SYNE1: variants seen among roughly 807,000 people sequenced by gnomAD.
The protein encoded by SYNE1 is spectrin repeat containing nuclear envelope protein 1.
SYNE1 carries 616 observed loss-of-function variants against 1,111.0 expected under a neutral mutation model. The observed-to-expected ratio is 0.55, with a 90% confidence interval of 0.52 to 0.59. The LOEUF (loss-of-function observed/expected upper bound fraction) is 0.59, where lower values mean the gene tolerates loss of function less well. SYNE1 is among the 20% of genes least tolerant of loss of function. The pLI is 0.00. For missense variants in SYNE1, 10,006 were observed against 10,417.0 expected (o/e 0.96, Z 1.72); for synonymous variants, 3,855 against 3,825.8 (o/e 1.01, Z -0.28).
At chr6:152,178,125 G>A (rs925918098) in intron 129 of SYNE1, among the ~76,000 whole-genome samples, 13 of 151,950 alleles carry the variant, frequency 8.6e-5, no homozygotes, top group African/African-American at 3.1e-4. Context: ...GCCAAACAAT[G>A]TAATAAAATT....
chr6:152,371,900 A>AAGGAAAGGAAAGGAAAGGACAGGAC (rs2097193762), intron 59 of SYNE1, among the ~76,000 whole-genome samples: 2 of 90,302 alleles, frequency 2.2e-5, no homozygotes, highest in African/African-American at 9.4e-5. Flanking sequence ...AAGGAAAGGA[A>AAGGAAAGGAAAGGAAAGGACAGGAC]AGGAAAGGAA....
intron 29 of SYNE1, 85 bp from the exon 30 acceptor site, chr6:152,444,663 C>A: frequency 8.1e-7 from 1 of 1,236,224 alleles, no homozygotes; most frequent in Non-Finnish European, 1.1e-6. Flanking sequence ...GTATGATTGA[C>A]AAATAAACAT....
intron 10 of SYNE1, among the ~76,000 whole-genome samples, chr6:152,500,470 G>A (rs538897696): frequency 2.0e-5 from 3 of 152,270 alleles, no homozygotes; most frequent in East Asian, 3.9e-4. Flanking sequence ...TTTTTAAGAA[G>A]CTAACATATT....
Position 152,354,707 on chromosome 6 carries a change from T to C in SYNE1, c.10878A>G (p.Arg3626=). The C allele has an allele frequency of 6.2e-7, 1 of 1,614,224 alleles. No individual in the cohort carries two copies. Among genetic ancestry groups the C allele is most frequent in the Non-Finnish European group, 8.5e-7 (1 of 1,180,036 alleles). Residue 3626 remains arginine, a synonymous_variant, in exon 67 of 146, where the codon AGA becomes AGG. Coordinates refer to ENST00000367255, the MANE Select transcript of SYNE1 (RefSeq NM_182961.4). ...CCTTGGTTGCCCTGTTAGACTGACG[T>C]CTGGTCCTGGGACTAACTTTCTCCT... The part of the protein sequence containing the change: ...TAEEKVSPRT[R]RQSNRATKEI...
intron 29 of SYNE1, among the ~76,000 whole-genome samples, chr6:152,446,532 G>A (rs1369631216): frequency 2.0e-5 from 3 of 152,144 alleles, no homozygotes. Context: ...AAGGTTAACA[G>A]ATGAATTGTT....
chr6:152,441,258 T>C lies in SYNE1; in HGVS notation c.4021A>G (p.Lys1341Glu). The C allele has an allele frequency of 6.2e-7, 1 of 1,608,168 alleles. No homozygotes were observed. The highest frequency in any genetic ancestry group is 8.5e-7 in the Non-Finnish European group (1 of 1,176,170). The change falls in exon 32 of 146, where the codon AAA becomes GAA. Residue 1341 changes from lysine (K) to glutamate (E), a missense_variant. Transcript: ENST00000367255. ...TTGTTTGTTTCAAATCGCTCCCATT[T>C]TCTTAATGTGACCTAAATTTGAAAA... ...QERRIQVTLR[K>E]WERFETNKET...
chr6:152,221,934 G>T (rs753207661), intron 117 of SYNE1, among the ~76,000 whole-genome samples: 28 of 152,228 alleles, frequency 1.8e-4, no homozygotes, highest in Non-Finnish European at 3.7e-4. Context: ...TCACCTCCTT[G>T]TACTTTCTTG....
At chr6:152,610,509 C>T (rs1008781927) in intron 3 of SYNE1, among the ~76,000 whole-genome samples, 5 of 152,162 alleles carry the variant, frequency 3.3e-5, no homozygotes, top group Admixed American at 2.6e-4. Flanking sequence ...AAGACCAAAC[C>T]TACGTTTGAT....
At chr6:152,308,423 A>G (rs1424262969) in intron 91 of SYNE1, 66 bp downstream of exon 91, 12 of 1,609,608 alleles carry the variant, frequency 7.5e-6, no homozygotes, top group Middle Eastern at 3.3e-4. Flanking sequence ...CATTCTCTAG[A>G]AACCAAACAT....
chr6:152,202,169 A>AAACCT (rs1270030020), intron 126 of SYNE1, among the ~76,000 whole-genome samples: 2 of 151,958 alleles, frequency 1.3e-5, no homozygotes, highest in East Asian at 3.9e-4. Flanking sequence ...CAACATGGTG[A>AAACCT]AACCTTGTCT....
rs552989089 is a variant in SYNE1 at position 152,193,004 on chromosome 6, G to GT, written c.23146-3598dup. The stretch of plus-strand genomic sequence containing the variant: ...TAGGCAACAGATCATTGGGTCTTAT[G>GT]TTTTTTAATCCATTTAGTCACTCAA... On this transcript the variant is annotated intron_variant, in intron 127 of 145. Coordinates refer to ENST00000367255, the MANE Select transcript of SYNE1 (RefSeq NM_182961.4). 2.7e-4 allele frequency among the ~76,000 whole-genome samples: 41 copies of GT among 152,090 alleles called. No homozygotes were observed. The South Asian group carries it at 5.4e-3, about 20-fold the overall frequency.
At chr6:152,241,500 C>CTGTGTGTGTGTGTGTGTGTG (rs1231628952) in intron 107 of SYNE1, among the ~76,000 whole-genome samples, 4,493 of 73,918 alleles carry the variant, frequency 0.061, 108 homozygotes, top group African/African-American at 0.11. Context: ...AATGCAAGAG[C>CTGTGTGTGTGTGTGTGTGTG]TGTGTGTGTG....
chr6:152,242,051 A>G (rs566035567), intron 107 of SYNE1, among the ~76,000 whole-genome samples, 189 bp downstream of exon 107: 15 of 152,266 alleles, frequency 9.9e-5, no homozygotes, highest in African/African-American at 3.6e-4. Context: ...CATATCCCCT[A>G]TAATTTCTCT....
At chr6:152,579,889 G>T (rs1034452339) in intron 3 of SYNE1, among the ~76,000 whole-genome samples, 1 of 152,104 alleles carries the variant, frequency 6.6e-6, no homozygotes, top group Non-Finnish European at 1.5e-5. Context: ...TCCATGGTGT[G>T]TATGTACCAC....
intron 4 of SYNE1, among the ~76,000 whole-genome samples, chr6:152,536,059 C>T (rs2099234512): frequency 6.6e-6 from 1 of 151,890 alleles, no homozygotes; most frequent in Non-Finnish European, 1.5e-5. Context: ...CAGCCACACC[C>T]ACTTTCCTAT....
intron 14 of SYNE1, among the ~76,000 whole-genome samples, chr6:152,473,547 C>G (rs2098818742): frequency 6.6e-6 from 1 of 152,172 alleles, no homozygotes; most frequent in African/African-American, 2.4e-5. Flanking sequence ...ACATTTTGAC[C>G]TGCTTTGACT....
At chr6:152,620,880 C>T (rs6940651) in intron 3 of SYNE1, among the ~76,000 whole-genome samples, 30,715 of 152,156 alleles carry the variant, frequency 0.2, 3,869 homozygotes, top group African/African-American at 0.35. Context: ...GACCCAATTC[C>T]TGTCCTCAAA....
chr6:152,573,641 G>T (rs902144995), intron 3 of SYNE1, among the ~76,000 whole-genome samples: 3 of 152,116 alleles, frequency 2.0e-5, no homozygotes, highest in African/African-American at 7.2e-5. Flanking sequence ...TTCAAGAAAT[G>T]TCAAGAATGT....
At chr6:152,450,855 T>C (rs773110750) in intron 26 of SYNE1, 22 bp from the exon 27 acceptor site, 5 of 1,612,648 alleles carry the variant, frequency 3.1e-6, no homozygotes, top group South Asian at 1.1e-5. Context: ...TAAATGTTTT[T>C]ATAATCCCTG....
Sources: allele counts gnomAD v4.1 joint callset (sites outside exome capture counted in the v4.1 genomes callset), GRCh38; gene constraint gnomAD v4.1.1; transcripts MANE v1.5; gene names NCBI Gene and HGNC (gene_info 2026-07-23, HGNC 2026-07-21).